The following MYO9B variants were observed in gnomAD, a reference collection of about 807,000 sequenced individuals.
MYO9B encodes unconventional myosin-IXb.
Under a neutral mutation model 229.5 loss-of-function variants are expected in MYO9B, and 71 were observed. The observed-to-expected ratio is 0.31, with a 90% confidence interval of 0.26 to 0.38. MYO9B has a LOEUF of 0.38. Ranked by LOEUF, MYO9B falls within the 10% of genes least tolerant of loss-of-function variation. The pLI is 1.00. For missense variants in MYO9B, 2,255 were observed against 2,920.5 expected, an observed-to-expected ratio of 0.77 and a Z score of 5.25; for synonymous variants, 1,185 against 1,235.8, an observed-to-expected ratio of 0.96 and a Z score of 0.86.
In MYO9B at chr19:17,156,986, G is replaced by C. The variant is rs1482067369; in HGVS notation, c.1277G>C (p.Gly426Ala). ...YKKRATGREE[G>A]LEVGPPEVLD... ...AAGAGAGCTACAGGCCGAGAGGAAG[G>C]GTTGGAGGTCGGGCCACCCGAGGTG... The change falls in exon 7 of 40, where the codon GGG (glycine) becomes GCG (alanine). Residue 426 changes from glycine (G) to alanine (A), a missense_variant. Physicochemically the swap from Gly to Ala is moderately conservative, Grantham distance 60. This residue lies in a region of MYO9B where 220 missense variants were observed against 404.5 expected (regional missense o/e 0.54). Transcript: ENST00000682292. 2 of 1,613,882 alleles carry C rather than the reference G, an allele frequency of 1.2e-6. No homozygotes were observed. Among genetic ancestry groups the C allele is most frequent in the African/African-American group, 1.3e-5 (1 of 75,048 alleles).
intron 8 of MYO9B, among the ~76,000 whole-genome samples, chr19:17,160,296 G>A (rs2072584013): frequency 6.6e-6 from 1 of 152,064 alleles, no homozygotes; most frequent in East Asian, 1.9e-4. Context: ...CAGCACTGGT[G>A]TCCCCAGAGG....
At position 17,205,397 on chromosome 19, in the gene MYO9B, G is replaced by A. The variant is rs988662824; in HGVS notation, c.5064+61G>A. 9.2e-6 allele frequency: 14 copies of A among 1,519,396 alleles called. No homozygotes were observed. The African/African-American group carries it at 1.9e-4, about 21-fold the overall frequency. 94.1% of individuals were successfully genotyped at this position (1,519,396 alleles called of 1,614,324 possible). The stretch of plus-strand genomic sequence containing the variant: ...ACTCCACTCACGGCCAGGTGCACCA[G>A]GAGGTGGTGCTTGATGTGAGGGCCA... On this transcript the variant is annotated intron_variant, in intron 31 of 39. Coordinates refer to ENST00000682292, the MANE Select transcript of MYO9B (RefSeq NM_004145.4).
At chr19:17,159,237 G>A (rs2072571611) in intron 7 of MYO9B, among the ~76,000 whole-genome samples, 158 bp from the exon 8 acceptor site, 1 of 150,632 alleles carries the variant, frequency 6.6e-6, no homozygotes. Context: ...CACATCGCGG[G>A]TGGGTGGGTG....
At position 17,212,772 on chromosome 19, in the gene MYO9B, G is replaced by C. The variant is rs1370673461; in HGVS notation, c.*462G>C. On this transcript the variant is annotated 3_prime_UTR_variant, in exon 40 of 40. Transcript: ENST00000682292. The surrounding 1 kb of genome is among the most constrained non-coding windows in gnomAD (Gnocchi z 5.4). ...TAGGCCACTGCGCGTCTGAGGCTCA[G>C]ACCCTGCTGTGGTTGGCTTGGGGTG... 6.4e-6 allele frequency: 1 copy of C among 155,540 alleles called. No individual in the cohort carries two copies. The highest frequency in any genetic ancestry group is 1.4e-5 in the Non-Finnish European group (1 of 70,224). The allele number at this position is 155,540 out of a possible 1,614,324, so 9.6% of individuals were successfully genotyped here.
Position 17,158,505 on chromosome 19 carries a change from G to A in MYO9B, c.1330-890G>A, listed in dbSNP as rs186402833. ...AGCTATTCGGGAGGCTGAGACAGGA[G>A]AATCACTTGAACCCAGGAGGCAGAG... On this transcript the variant is annotated intron_variant, in intron 7 of 39. Transcript: ENST00000682292. Among the ~76,000 whole-genome samples, 40 of 152,018 alleles carry A rather than the reference G, an allele frequency of 2.6e-4. No individual in the cohort carries two copies. The Middle Eastern group carries it at 0.014, about 52-fold the overall frequency.
At position 17,123,684 on chromosome 19, in the gene MYO9B, C is replaced by T. The variant is rs1397233637; in HGVS notation, c.840+21127C>T. Among the ~76,000 whole-genome samples, 5 of 152,170 alleles carry T rather than the reference C, an allele frequency of 3.3e-5. No individual in the cohort carries two copies. The South Asian group carries it at 8.3e-4, about 25-fold the overall frequency. ...ACAGCCTCCCAAAGTACTGGGATTA[C>T]AGGCATGAGCCACCACACCTGGCCA... On this transcript the variant is annotated intron_variant, in intron 2 of 39. Coordinates refer to ENST00000682292, the MANE Select transcript of MYO9B (RefSeq NM_004145.4).
intron 2 of MYO9B, among the ~76,000 whole-genome samples, chr19:17,109,010 G>A (rs1599331301): frequency 1.3e-5 from 2 of 151,118 alleles, no homozygotes; most frequent in African/African-American, 2.4e-5. Context: ...ACCATGCCTG[G>A]CCCCAAGAAT....
At chr19:17,088,466 G>A (rs1000768146) in intron 1 of MYO9B, among the ~76,000 whole-genome samples, 3 of 152,236 alleles carry the variant, frequency 2.0e-5, no homozygotes, top group Admixed American at 1.3e-4. Context: ...TTTGCCCTGC[G>A]GACGCTGTTT....
chr19:17,156,340 G>A (rs2072537513), intron 6 of MYO9B, among the ~76,000 whole-genome samples: 1 of 150,956 alleles, frequency 6.6e-6, no homozygotes, highest in South Asian at 2.1e-4. Flanking sequence ...ACTGAGCCCG[G>A]GGAGGTTGAG....
intron 18 of MYO9B, among the ~76,000 whole-genome samples, chr19:17,187,543 CTT>C (rs60447425): frequency 3.4e-5 from 5 of 147,460 alleles, no homozygotes; most frequent in East Asian, 2.0e-4. Flanking sequence ...CATTTGGGTT[CTT>C]TTTTTTTTTC....
At chr19:17,145,323 G>A (rs1299438287) in intron 2 of MYO9B, 74 bp from the exon 3 acceptor site, 1 of 1,327,594 alleles carries the variant, frequency 7.5e-7, no homozygotes, top group African/African-American at 1.5e-5. Context: ...AAAGCACAGT[G>A]TAAAATGAGA....
chr19:17,176,625 G>C (rs1052014535), intron 14 of MYO9B, among the ~76,000 whole-genome samples: 2 of 152,142 alleles, frequency 1.3e-5, no homozygotes, highest in Admixed American at 6.5e-5. Context: ...ATGGGAGGAG[G>C]CTCAGTTTAC....
chr19:17,163,372 C>CAT (rs1555699384), intron 10 of MYO9B, among the ~76,000 whole-genome samples: 1 of 92,394 alleles, frequency 1.1e-5, no homozygotes, highest in South Asian at 3.5e-4. Context: ...CCCCATTCCA[C>CAT]TTTTTTTTTT....
chr19:17,196,089 C>T (rs1016619433), intron 22 of MYO9B, among the ~76,000 whole-genome samples: 3 of 134,338 alleles, frequency 2.2e-5, no homozygotes, highest in Non-Finnish European at 4.7e-5. Flanking sequence ...GGAGTATTAT[C>T]GATAGATGAT....
At chr19:17,189,416 G>A (rs2072955375) in intron 19 of MYO9B, among the ~76,000 whole-genome samples, 1 of 151,822 alleles carries the variant, frequency 6.6e-6, no homozygotes, top group Non-Finnish European at 1.5e-5. Flanking sequence ...CAGGCAGATT[G>A]CTTGAGCTCA....
chr19:17,157,094 T>C, intron 7 of MYO9B, 56 bp downstream of exon 7: 1 of 1,579,350 alleles, frequency 6.3e-7, no homozygotes. Flanking sequence ...GCTGGCTATC[T>C]CTCAGTACGA....
chr19:17,137,790 C>T (rs1282933332), intron 2 of MYO9B, among the ~76,000 whole-genome samples: 1 of 151,932 alleles, frequency 6.6e-6, no homozygotes, highest in Non-Finnish European at 1.5e-5. Context: ...GTCGCCGAGG[C>T]TGGAGTGCAG....
intron 1 of MYO9B, among the ~76,000 whole-genome samples, chr19:17,083,014 G>A (rs1007292016): frequency 4.8e-5 from 7 of 145,060 alleles, no homozygotes; most frequent in Non-Finnish European, 1.0e-4. Flanking sequence ...GGCTGAAAGT[G>A]TGTGAATCTT....
intron 31 of MYO9B, 136 bp downstream of exon 31, chr19:17,205,472 C>A: frequency 2.6e-6 from 2 of 761,596 alleles, no homozygotes; most frequent in Non-Finnish European, 4.4e-6. Flanking sequence ...TCTGGTTCTG[C>A]AGAACACACC....
Sources: gnomAD v4.1 joint callset for allele counts (sites outside exome capture counted in the v4.1 genomes callset) on GRCh38, gnomAD v4.1.1 for gene constraint, gnomAD v4.1.1 regional missense constraint, Gnocchi (gnomAD v3.1) non-coding constraint, MANE v1.5 for transcripts, NCBI Gene and HGNC (gene_info 2026-07-23, HGNC 2026-07-21) for gene names.